The following ROR2 variants were observed in gnomAD, a reference collection of about 807,000 sequenced individuals.
The protein encoded by ROR2 is ROR family WNT receptor 2.
In ROR2, 33 loss-of-function variants were observed where a neutral mutation model predicts 74.9. The ratio of observed to expected loss-of-function variants is 0.44; its 90% CI spans 0.33 to 0.59. ROR2 has a LOEUF of 0.59. Among genes scored for constraint, ROR2 ranks in the 20% least tolerant of loss-of-function variants. ROR2 has a pLI of 0.02. For missense variants in ROR2, 1,216 were observed against 1,313.8 expected, an observed-to-expected ratio of 0.93 and a Z score of 1.15; for synonymous variants, 586 against 558.7, an observed-to-expected ratio of 1.05 and a Z score of -0.69.
chr9:91,842,658 G>C (rs558855607), intron 1 of ROR2, among the ~76,000 whole-genome samples: 43 of 152,366 alleles, frequency 2.8e-4, no homozygotes, highest in Admixed American at 1.7e-3. Context: ...TGCCCAGACA[G>C]GCACTTTGAA....
chr9:91,804,736 T>TG (rs887401302), intron 1 of ROR2, among the ~76,000 whole-genome samples: 6 of 151,962 alleles, frequency 3.9e-5, no homozygotes, highest in African/African-American at 4.8e-5. Flanking sequence ...GGATTCAGAG[T>TG]GGGGGGGTGG....
intron 6 of ROR2, 90 bp from the exon 7 acceptor site, chr9:91,731,245 C>A: frequency 6.4e-7 from 1 of 1,573,146 alleles, no homozygotes; most frequent in Non-Finnish European, 8.7e-7. Flanking sequence ...CCAAAAGATC[C>A]AAGGATTTTA....
chr9:91,922,432 T>C (rs7024747), intron 1 of ROR2, among the ~76,000 whole-genome samples: 2,396 of 152,212 alleles, frequency 0.016, 68 homozygotes, highest in African/African-American at 0.055. Flanking sequence ...CCATACTGAA[T>C]GTTGTTCTAC....
intron 1 of ROR2, among the ~76,000 whole-genome samples, chr9:91,828,479 C>T (rs1199011021): frequency 6.6e-6 from 1 of 152,060 alleles, no homozygotes; most frequent in African/African-American, 2.4e-5. Flanking sequence ...TTTGTGATGC[C>T]GAAGTGGGTG....
chr9:91,876,347 C>T (rs1829954564), intron 1 of ROR2, among the ~76,000 whole-genome samples: 3 of 150,040 alleles, frequency 2.0e-5, no homozygotes, highest in African/African-American at 7.4e-5. Flanking sequence ...CCAGCACGGG[C>T]GGCAGAGCCA....
At chr9:91,855,833 C>T (rs535548144) in intron 1 of ROR2, among the ~76,000 whole-genome samples, 63 of 152,112 alleles carry the variant, frequency 4.1e-4, no homozygotes, top group Admixed American at 4.0e-3. Flanking sequence ...GTCAGCACCC[C>T]CAAGAGACAC....
intron 1 of ROR2, among the ~76,000 whole-genome samples, chr9:91,917,524 A>G (rs1292145562): frequency 6.6e-6 from 1 of 152,204 alleles, no homozygotes; most frequent in Non-Finnish European, 1.5e-5. Flanking sequence ...TAAGAGCATC[A>G]TCTGTGCTGA....
At chr9:91,741,618 T>A (rs1825250124) in intron 4 of ROR2, among the ~76,000 whole-genome samples, 2 of 152,186 alleles carry the variant, frequency 1.3e-5, no homozygotes, top group Admixed American at 1.3e-4. Context: ...GCATAGGAAG[T>A]TAACATTTTC....
chr9:91,811,120 G>A (rs1827736171), intron 1 of ROR2, among the ~76,000 whole-genome samples: 1 of 152,258 alleles, frequency 6.6e-6, no homozygotes, highest in Admixed American at 6.5e-5. Flanking sequence ...GGGACAGGAA[G>A]CAAATGCCCA....
chr9:91,723,688 C>G lies in ROR2; in HGVS notation c.2806G>C (p.Glu936Gln). ...LGDCDTLQVDEAQVQLEA is the reference protein window; with the variant it reads ...LGDCDTLQVDQAQVQLEA ...CAAGCTTCCAGCTGGACTTGGGCCT[C>G]GTCCACCTGCAGAGTGTCACAGTCC... The change falls in exon 9 of 9, where the codon GAG (glutamate) becomes CAG (glutamine). Residue 936 changes from glutamate to glutamine, a missense_variant. Glu to Gln is a conservative substitution (Grantham distance 29, BLOSUM62 2). Coordinates refer to ENST00000375708, the MANE Select transcript of ROR2 (RefSeq NM_004560.4). 6.2e-7 allele frequency: 1 copy of G among 1,613,864 alleles called. No homozygotes were observed.
chr9:91,885,839 A>C (rs1830252355), intron 1 of ROR2, among the ~76,000 whole-genome samples: 1 of 151,472 alleles, frequency 6.6e-6, no homozygotes, highest in African/African-American at 2.4e-5. Context: ...TATATTAGGA[A>C]GTGCCTTTTT....
At chr9:91,884,295 G>C (rs1227939439) in intron 1 of ROR2, among the ~76,000 whole-genome samples, 1 of 152,044 alleles carries the variant, frequency 6.6e-6, no homozygotes, top group Non-Finnish European at 1.5e-5. Context: ...ACCAGCCAAG[G>C]CTGTTCAGAT....
At chr9:91,856,714 G>T (rs1462787635) in intron 1 of ROR2, among the ~76,000 whole-genome samples, 1 of 152,202 alleles carries the variant, frequency 6.6e-6, no homozygotes, top group Non-Finnish European at 1.5e-5. Context: ...AAGCTGCCCA[G>T]TCTGGGGTAC....
chr9:91,873,991 G>C (rs926121202), intron 1 of ROR2, among the ~76,000 whole-genome samples: 1 of 152,158 alleles, frequency 6.6e-6, no homozygotes, highest in African/African-American at 2.4e-5. Context: ...TATTGAATTG[G>C]TTGGGGGAGT....
intron 1 of ROR2, among the ~76,000 whole-genome samples, chr9:91,793,151 GA>G (rs1827056834): frequency 6.6e-6 from 1 of 152,082 alleles, no homozygotes; most frequent in Non-Finnish European, 1.5e-5. Context: ...ATATAGACAC[GA>G]AAGTCCAAGA....
chr9:91,765,485 C>T (rs1036244826), intron 2 of ROR2, among the ~76,000 whole-genome samples: 2 of 152,172 alleles, frequency 1.3e-5, no homozygotes, highest in Admixed American at 1.3e-4. Context: ...GACTGGGTTC[C>T]CTTGACAGGC....
intron 2 of ROR2, among the ~76,000 whole-genome samples, chr9:91,766,858 T>C (rs1417419423): frequency 6.6e-6 from 1 of 152,138 alleles, no homozygotes; most frequent in Non-Finnish European, 1.5e-5. Context: ...AGTCTTCCCT[T>C]TTAATTGAAC....
intron 1 of ROR2, among the ~76,000 whole-genome samples, chr9:91,902,138 C>A (rs1402800954): frequency 1.3e-5 from 2 of 152,120 alleles, no homozygotes; most frequent in Non-Finnish European, 2.9e-5. Context: ...CAGATGACGG[C>A]CTGATTCATC....
chr9:91,870,984 A>T (rs963507558), intron 1 of ROR2, among the ~76,000 whole-genome samples: 1 of 152,278 alleles, frequency 6.6e-6, no homozygotes. Flanking sequence ...CATTAAAAAT[A>T]GTATTGTTCT....
Sources: allele counts gnomAD v4.1 joint callset (sites outside exome capture counted in the v4.1 genomes callset), GRCh38; gene constraint gnomAD v4.1.1; transcripts MANE v1.5; gene names NCBI Gene and HGNC (gene_info 2026-07-23, HGNC 2026-07-21).